ABCA1: variants seen among roughly 807,000 people sequenced by gnomAD.
ABCA1 encodes phospholipid-transporting ATPase ABCA1.
ABCA1 carries 133 observed loss-of-function variants against 262.5 expected under a neutral mutation model. The observed-to-expected ratio is 0.51, with a 90% confidence interval of 0.44 to 0.59. The LOEUF (loss-of-function observed/expected upper bound fraction) is 0.59, where lower values mean the gene tolerates loss of function less well. Ranked by LOEUF, ABCA1 falls within the 20% of genes least tolerant of loss-of-function variation. The pLI is 0.00. For missense variants in ABCA1, 2,452 were observed against 2,777.5 expected (o/e 0.88, Z 2.63); for synonymous variants, 1,022 against 1,043.5 (o/e 0.98, Z 0.40).
chr9:104,817,756 C>T lies in ABCA1; in HGVS notation c.3463-352G>A, dbSNP rs914638151. Among the ~76,000 whole-genome samples, 3 of 152,258 alleles carry T rather than the reference C, an allele frequency of 2.0e-5. No homozygotes were observed. The highest frequency in any genetic ancestry group is 7.2e-5 in the African/African-American group (3 of 41,470). ...TTCTCATGCTTTAATGTGTGTTCAA[C>T]CACTCAAGAACCTTGTTAAAATGCA... On this transcript the variant is annotated intron_variant, in intron 23 of 49. Coordinates refer to ENST00000374736, the MANE Select transcript of ABCA1 (RefSeq NM_005502.4). The surrounding 1 kb of genome is among the most constrained non-coding windows in gnomAD (Gnocchi z 4.7).
chr9:104,837,527 A>C lies in ABCA1; in HGVS notation c.1095T>G (p.Ser365Arg). The C allele has an allele frequency of 1.2e-6, 2 of 1,614,178 alleles. No individual in the cohort carries two copies. Among genetic ancestry groups the C allele is most frequent in the Non-Finnish European group, 1.7e-6 (2 of 1,180,024 alleles). ...CNDLMKNLES[S>R]PLSRIIWKAL... ...CTTTCCAGATAATGCGGGAAAGAGG[A>C]CTAGACTCCAAATTCTTCATCAAAT... Residue 365 changes from serine (S) to arginine (R), a missense_variant, in exon 10 of 50, where the codon AGT (serine) becomes AGG (arginine). Around this residue, in one of 4 missense-constraint regions of ABCA1, gnomAD observed 1,032 missense variants for 1,089.7 expected, o/e 0.95. Transcript: ENST00000374736.
At chr9:104,866,649 T>C (rs181826885) in intron 5 of ABCA1, among the ~76,000 whole-genome samples, 54 of 152,234 alleles carry the variant, frequency 3.5e-4, no homozygotes, top group Non-Finnish European at 4.4e-5. Context: ...GCCCAGCTAT[T>C]ATTCCTTTTT....
At chr9:104,868,077 T>A (rs1837246035) in intron 5 of ABCA1, among the ~76,000 whole-genome samples, 1 of 152,146 alleles carries the variant, frequency 6.6e-6, no homozygotes, top group African/African-American at 2.4e-5. Context: ...TCCCTAAGCC[T>A]CAGTTTCCTT....
chr9:104,905,345 C>T (rs776690169), intron 1 of ABCA1, among the ~76,000 whole-genome samples: 8 of 152,186 alleles, frequency 5.3e-5, no homozygotes, highest in African/African-American at 9.7e-5. Flanking sequence ...ATCTACCACC[C>T]AACAAGGACT....
chr9:104,888,252 G>A (rs142156695), intron 3 of ABCA1, among the ~76,000 whole-genome samples: 1,976 of 152,248 alleles, frequency 0.013, 15 homozygotes, highest in South Asian at 0.025. Flanking sequence ...TGTGGGTCTC[G>A]TAGGGGTATG....
At chr9:104,880,158 G>C (rs2119163511) in intron 5 of ABCA1, among the ~76,000 whole-genome samples, 1 of 152,246 alleles carries the variant, frequency 6.6e-6, no homozygotes, top group East Asian at 1.9e-4. Context: ...TGAGGACAAA[G>C]CTCCAAACCA....
In ABCA1 at chr9:104,784,231, C is replaced by A; in HGVS notation, c.*84G>T. 6.4e-7 allele frequency: 1 copy of A among 1,568,318 alleles called. No individual in the cohort carries two copies. The stretch of plus-strand genomic sequence containing the variant: ...TACTTCTTCCCACATCAACTTCTGG[C>A]TCTTTTCTCCACAACACTTCACATG... On this transcript the variant is annotated 3_prime_UTR_variant, in exon 50 of 50. Transcript: ENST00000374736.
At position 104,914,042 on chromosome 9, in the gene ABCA1, A is replaced by G. The variant is rs562394380; in HGVS notation, c.-92-10271T>C. On this transcript the variant is annotated intron_variant, in intron 1 of 49. Coordinates refer to ENST00000374736, the MANE Select transcript of ABCA1 (RefSeq NM_005502.4). The stretch of plus-strand genomic sequence containing the variant: ...TCTCGATCTCCTGACCTCGTGATCC[A>G]CCCGCCTCAGCCTCCCAAAGTGCTG... Among the ~76,000 whole-genome samples the G allele has an allele frequency of 1.0e-3, 154 of 150,372 alleles. 1 individual carries two copies. The highest frequency in any genetic ancestry group is 1.6e-3 in the Non-Finnish European group (107 of 67,290).
At chr9:104,806,922 C>T (rs977787294) in intron 30 of ABCA1, among the ~76,000 whole-genome samples, 3 of 151,996 alleles carry the variant, frequency 2.0e-5, no homozygotes, top group Non-Finnish European at 4.4e-5. Context: ...AATGAACCTA[C>T]TAAGAGAAGA....
At chr9:104,797,300 C>T (rs554579058) in intron 37 of ABCA1, among the ~76,000 whole-genome samples, 2 of 152,200 alleles carry the variant, frequency 1.3e-5, no homozygotes, top group Non-Finnish European at 2.9e-5. Context: ...AAATAAAACC[C>T]ATGTAATTTA....
At chr9:104,875,026 A>G (rs1193080155) in intron 5 of ABCA1, among the ~76,000 whole-genome samples, 2 of 152,082 alleles carry the variant, frequency 1.3e-5, no homozygotes, top group Non-Finnish European at 2.9e-5. Context: ...CATGATGACA[A>G]TGGCAGTTTT....
intron 48 of ABCA1, among the ~76,000 whole-genome samples, chr9:104,786,049 A>G (rs952635570): frequency 6.6e-6 from 1 of 152,184 alleles, no homozygotes; most frequent in African/African-American, 2.4e-5. Flanking sequence ...GCACAAAGCT[A>G]GGAGGTAGAT....
chr9:104,824,509 T>C lies in ABCA1; in HGVS notation c.2612A>G (p.Asp871Gly), dbSNP rs1832653807. 2 of 1,614,042 alleles carry C rather than the reference T, an allele frequency of 1.2e-6. No homozygotes were observed. Among genetic ancestry groups the C allele is most frequent in the Non-Finnish European group, 1.7e-6 (2 of 1,180,046 alleles). Reference protein sequence around the residue: ...TKSYWFGEESDEKSHPGSNQK... With the variant: ...TKSYWFGEESGEKSHPGSNQK... The stretch of plus-strand genomic sequence containing the variant: ...GTTGGAACCAGGGTGGCTCTTCTCA[T>C]CACTTTCCTCGCCAAACCAGTAGGA... Residue 871 changes from aspartate to glycine, a missense_variant, in exon 18 of 50, where the codon GAT becomes GGT. Coordinates refer to ENST00000374736, the MANE Select transcript of ABCA1 (RefSeq NM_005502.4).
In ABCA1 at chr9:104,840,439, G is replaced by C; in HGVS notation, c.894C>G (p.Thr298=). The C allele has an allele frequency of 1.2e-6, 2 of 1,614,170 alleles. No homozygotes were observed. The highest frequency in any genetic ancestry group is 8.5e-7 in the Non-Finnish European group (1 of 1,180,042). The change falls in exon 9 of 50, where the codon ACC becomes ACG. Residue 298 remains threonine (T), a synonymous_variant. Transcript: ENST00000374736. ...TACGAGACACAGCCTGGTAGATTTG[G>C]GTGGAGGAGCTGGAGCTGTTCACAT... ...LTNVNSSSSS[T]QIYQAVSRIV...
intron 18 of ABCA1, 56 bp from the exon 19 acceptor site, chr9:104,822,723 G>A: frequency 1.3e-6 from 2 of 1,599,530 alleles, no homozygotes; most frequent in South Asian, 1.1e-5. Flanking sequence ...GGAGTGGAGT[G>A]TAAGGACACA....
chr9:104,845,512 T>G lies in ABCA1; in HGVS notation c.778A>C (p.Thr260Pro), dbSNP rs778741247. The G allele has an allele frequency of 6.2e-7, 1 of 1,613,970 alleles. No individual in the cohort carries two copies. Among genetic ancestry groups the G allele is most frequent in the South Asian group, 1.1e-5 (1 of 91,074 alleles). Residue 260 changes from threonine (T) to proline (P), a missense_variant, in exon 8 of 50, where the codon ACA (threonine) becomes CCA (proline). Transcript: ENST00000374736. ...PSKELAEATK[T>P]LLHSLGTLAQ... is the part of the protein sequence containing the mutation. Reference sequence around the variant, plus strand: ...AGAGTCCCAAGACTATGCAGCAATGTTTTTGTGGCTTCAGCCAGCTCCTTG... The same window carrying G: ...AGAGTCCCAAGACTATGCAGCAATGGTTTTGTGGCTTCAGCCAGCTCCTTG...
chr9:104,870,273 A>G (rs962125833), intron 5 of ABCA1, among the ~76,000 whole-genome samples: 21 of 152,226 alleles, frequency 1.4e-4, no homozygotes, highest in African/African-American at 4.1e-4. Context: ...CAAAGGGATA[A>G]TATTTTTCTC....
rs144081405 is a variant in ABCA1, at chr9:104,871,709, C to T, written c.422-9909G>A. 2.0e-5 allele frequency among the ~76,000 whole-genome samples: 3 copies of T among 151,904 alleles called. No homozygotes were observed. In the South Asian group the frequency reaches 6.2e-4, roughly 32 times the overall value. ...GAGGCAGAAAAATGAGAGAGGACAG[C>T]TGGAAGACAAAAGGAGTGAAAAGAA... On this transcript the variant is annotated intron_variant, in intron 5 of 49. Transcript: ENST00000374736.
intron 31 of ABCA1, 96 bp downstream of exon 31, chr9:104,806,145 T>C: frequency 7.8e-7 from 1 of 1,288,514 alleles, no homozygotes; most frequent in Non-Finnish European, 1.1e-6. Flanking sequence ...AAACAGACCC[T>C]CCCAACATGA....
Sources: gnomAD v4.1 joint callset for allele counts (sites outside exome capture counted in the v4.1 genomes callset) on GRCh38, gnomAD v4.1.1 for gene constraint, gnomAD v4.1.1 regional missense constraint, Gnocchi (gnomAD v3.1) non-coding constraint, MANE v1.5 for transcripts, NCBI Gene and HGNC (gene_info 2026-07-23, HGNC 2026-07-21) for gene names.